The following CLIP2 variants were observed in gnomAD, a reference collection of about 807,000 sequenced individuals.
CLIP2 encodes CAP-Gly domain containing linker protein 2, also known as CAP-Gly domain-containing linker protein 2.
In CLIP2, 41 loss-of-function variants were observed where a neutral mutation model predicts 111.7. The ratio of observed to expected loss-of-function variants is 0.37; its 90% CI spans 0.29 to 0.48. CLIP2 has a LOEUF of 0.48. CLIP2 is among the 20% of genes least tolerant of loss of function. CLIP2 has a pLI of 0.99. For missense variants in CLIP2, 1,160 were observed against 1,422.1 expected (o/e 0.82, Z 2.96); for synonymous variants, 660 against 644.2 (o/e 1.02, Z -0.37).
intron 14 of CLIP2, among the ~76,000 whole-genome samples, chr7:74,400,075 G>A (rs1261661361): frequency 6.6e-6 from 1 of 150,956 alleles, no homozygotes; most frequent in African/African-American, 2.4e-5. Context: ...GCATGAACCC[G>A]GGAGGCGGAG....
intron 7 of CLIP2, among the ~76,000 whole-genome samples, chr7:74,363,005 T>C (rs1443782559): frequency 4.2e-4 from 60 of 142,950 alleles, no homozygotes; most frequent in African/African-American, 1.4e-3. Context: ...AGCTTTGAGC[T>C]TTTTTTTTTT....
intron 8 of CLIP2, among the ~76,000 whole-genome samples, chr7:74,366,555 A>G (rs1790473545): frequency 6.6e-6 from 1 of 152,198 alleles, no homozygotes; most frequent in South Asian, 2.1e-4. Context: ...CAGCACAAAC[A>G]TATGCTTTCG....
chr7:74,291,091 T>C (rs1376975266), intron 1 of CLIP2, among the ~76,000 whole-genome samples: 2 of 152,128 alleles, frequency 1.3e-5, no homozygotes, highest in African/African-American at 2.4e-5. Flanking sequence ...CAGCTTAGGA[T>C]TTAAGGAACT....
intron 2 of CLIP2, among the ~76,000 whole-genome samples, chr7:74,321,204 C>T (rs1788941645): frequency 6.6e-6 from 1 of 152,080 alleles, no homozygotes; most frequent in Admixed American, 6.6e-5. Context: ...AATTTCTTTC[C>T]CTTTCACCCA....
intron 15 of CLIP2, among the ~76,000 whole-genome samples, chr7:74,400,842 C>T (rs531673127): frequency 6.8e-6 from 1 of 146,812 alleles, no homozygotes; most frequent in African/African-American, 2.6e-5. Flanking sequence ...AACCCCTGGT[C>T]TGAAGGGGGA....
At chr7:74,306,005 A>G (rs1788476811) in intron 1 of CLIP2, among the ~76,000 whole-genome samples, 2 of 151,786 alleles carry the variant, frequency 1.3e-5, no homozygotes, top group Non-Finnish European at 2.9e-5. Flanking sequence ...GGGCACGTCC[A>G]GGAGACCCTG....
intron 13 of CLIP2, among the ~76,000 whole-genome samples, chr7:74,392,276 A>G (rs1434343878): frequency 6.6e-6 from 1 of 151,294 alleles, no homozygotes; most frequent in Non-Finnish European, 1.5e-5. Context: ...GCGTGAACCT[A>G]GGAGGCGGAG....
intron 1 of CLIP2, among the ~76,000 whole-genome samples, chr7:74,307,823 G>A (rs1052823588): frequency 1.3e-5 from 2 of 152,156 alleles, no homozygotes; most frequent in Admixed American, 1.3e-4. Context: ...GGCTGCTGGG[G>A]GGTGGTTCAG....
intron 3 of CLIP2, among the ~76,000 whole-genome samples, chr7:74,349,328 GGCT>G: frequency 6.6e-6 from 1 of 150,792 alleles, no homozygotes; most frequent in South Asian, 2.1e-4. Context: ...CTACTAGGGA[GGCT>G]GAGGCAGGAG....
chr7:74,371,244 A>AC (rs1790608794), intron 8 of CLIP2, among the ~76,000 whole-genome samples: 1 of 54,662 alleles, frequency 1.8e-5, no homozygotes. Context: ...ACTATGCCTC[A>AC]AAAAAAAAAA....
In CLIP2 at chr7:74,375,958, C is replaced by G. The variant is rs370849725; in HGVS notation, c.1557C>G (p.Ile519Met). 16 of 1,606,996 alleles carry G rather than the reference C, an allele frequency of 1.0e-5. No individual in the cohort carries two copies. Among genetic ancestry groups the G allele is most frequent in the Non-Finnish European group, 1.3e-5 (15 of 1,177,552 alleles). ...EEELTLRRGE[I>M]EELQQCLLHS... Reference sequence around the variant, plus strand: ...AGCTCACCCTGCGCCGAGGTGAAATCGAGGAGCTCCAGCAGTGCCTGTTGC... The same window carrying G: ...AGCTCACCCTGCGCCGAGGTGAAATGGAGGAGCTCCAGCAGTGCCTGTTGC... Residue 519 changes from isoleucine (I) to methionine (M), a missense_variant, in exon 10 of 17, where the codon ATC becomes ATG. By Grantham distance (10) the Ile-to-Met change is conservative. Coordinates refer to ENST00000223398, the MANE Select transcript of CLIP2 (RefSeq NM_003388.5).
intron 7 of CLIP2, 94 bp downstream of exon 7, chr7:74,360,372 C>G: frequency 1.1e-6 from 1 of 875,804 alleles, no homozygotes; most frequent in Admixed American, 2.2e-5. Flanking sequence ...AGGTTCCAGT[C>G]CTGCCCCTGT....
intron 10 of CLIP2, 101 bp from the exon 11 acceptor site, chr7:74,380,705 A>T: frequency 1.1e-6 from 1 of 896,182 alleles, no homozygotes; most frequent in Non-Finnish European, 1.7e-6. Context: ...CCCCCTTTGT[A>T]GGAGTAGGGT....
At chr7:74,301,797 C>CT (rs1554726911) in intron 1 of CLIP2, among the ~76,000 whole-genome samples, 1 of 151,852 alleles carries the variant, frequency 6.6e-6, no homozygotes, top group African/African-American at 2.4e-5. Context: ...ACTGCAGCCT[C>CT]TATCTCCTGG....
intron 1 of CLIP2, among the ~76,000 whole-genome samples, chr7:74,293,621 T>C (rs1054353351): frequency 1.3e-5 from 2 of 151,942 alleles, no homozygotes; most frequent in Non-Finnish European, 2.9e-5. Flanking sequence ...ATGATGAAGG[T>C]TGTGTGTTAG....
At chr7:74,385,997 C>T (rs1554314700) in intron 11 of CLIP2, among the ~76,000 whole-genome samples, 1 of 151,166 alleles carries the variant, frequency 6.6e-6, no homozygotes, top group Non-Finnish European at 1.5e-5. Flanking sequence ...CTGCCTTGGC[C>T]TCCCAAAATG....
chr7:74,293,842 C>T lies in CLIP2; in HGVS notation c.-68+4108C>T, dbSNP rs190059233. The stretch of plus-strand genomic sequence containing the variant: ...CCACTGGCTTCCCCCAGCCCTGCCC[C>T]GGGACAGGAGGAGGCTCTCTCCTTT... On this transcript the variant is annotated intron_variant, in intron 1 of 16. Transcript: ENST00000223398. Among the ~76,000 whole-genome samples the T allele has an allele frequency of 4.7e-4, 71 of 151,734 alleles. No homozygotes were observed. The East Asian group carries it at 6.6e-3, about 14-fold the overall frequency.
At chr7:74,372,826 C>G in intron 8 of CLIP2, 106 bp from the exon 9 acceptor site, 7 of 588,546 alleles carry the variant, frequency 1.2e-5, no homozygotes, top group East Asian at 3.9e-5. Context: ...GACGCCTCCT[C>G]TCTCTCTCTC....
intron 1 of CLIP2, among the ~76,000 whole-genome samples, chr7:74,292,314 G>A (rs992767251): frequency 5.9e-5 from 9 of 152,146 alleles, no homozygotes; most frequent in Admixed American, 5.9e-4. Context: ...CCTGCTCATT[G>A]GTTCTTGTGA....
Sources: gnomAD v4.1 joint callset for allele counts (sites outside exome capture counted in the v4.1 genomes callset) on GRCh38, gnomAD v4.1.1 for gene constraint, MANE v1.5 for transcripts, NCBI Gene and HGNC (gene_info 2026-07-23, HGNC 2026-07-21) for gene names.